Variants in RALGAPA2 observed in about 807,000 individuals in gnomAD.
RALGAPA2 encodes Ral GTPase activating protein catalytic subunit alpha 2.
A neutral mutation model predicts 230.4 loss-of-function variants in RALGAPA2; 139 were observed. The ratio of observed to expected loss-of-function variants is 0.60; its 90% CI spans 0.53 to 0.69. RALGAPA2 has a LOEUF of 0.69. RALGAPA2 is among the 30% of genes least tolerant of loss of function. The pLI is 0.00. For synonymous variants in RALGAPA2, 847 were observed against 837.8 expected (o/e 1.01, Z -0.19); for missense variants, 2,163 against 2,276.0 (o/e 0.95, Z 1.01).
At chr20:20,530,286 A>G (rs560145930) in intron 27 of RALGAPA2, among the ~76,000 whole-genome samples, 160 of 152,330 alleles carry the variant, frequency 1.1e-3, no homozygotes, top group Non-Finnish European at 1.8e-4. Flanking sequence ...GTCAGGGCTC[A>G]GCACCCTGCT....
At chr20:20,516,523 A>C (rs2062875609) in intron 31 of RALGAPA2, among the ~76,000 whole-genome samples, 1 of 152,192 alleles carries the variant, frequency 6.6e-6, no homozygotes, top group Admixed American at 6.5e-5. Flanking sequence ...TACTCTAGCC[A>C]CCAGAGGTCC....
intron 37 of RALGAPA2, among the ~76,000 whole-genome samples, chr20:20,460,170 G>C (rs1306791388): frequency 1.3e-5 from 2 of 152,022 alleles, no homozygotes; most frequent in African/African-American, 4.8e-5. Flanking sequence ...GAGAACGAGC[G>C]AGGGGCCAGG....
intron 38 of RALGAPA2, among the ~76,000 whole-genome samples, chr20:20,410,602 C>T (rs1039523430): frequency 6.6e-6 from 1 of 152,200 alleles, no homozygotes; most frequent in African/African-American, 2.4e-5. Context: ...AAATCTCTAG[C>T]CAGACCGAGT....
intron 38 of RALGAPA2, among the ~76,000 whole-genome samples, chr20:20,407,579 A>G (rs1260575044): frequency 1.3e-5 from 2 of 152,210 alleles, no homozygotes; most frequent in African/African-American, 4.8e-5. Context: ...TGTAGTGTCT[A>G]CATCTCAGAT....
chr20:20,400,241 CCAGT>C (rs1322546410), intron 38 of RALGAPA2, among the ~76,000 whole-genome samples: 3 of 152,224 alleles, frequency 2.0e-5, no homozygotes, highest in Non-Finnish European at 4.4e-5. Context: ...AGGATGGCTT[CCAGT>C]ATTTCCAATC....
At chr20:20,495,056 T>C in intron 36 of RALGAPA2, 61 bp downstream of exon 36, 20 of 1,393,170 alleles carry the variant, frequency 1.4e-5, no homozygotes, top group Non-Finnish European at 1.9e-5. Flanking sequence ...TGATTTTCAA[T>C]GACAATGAAT....
At chr20:20,405,865 A>T (rs1305214364) in intron 38 of RALGAPA2, among the ~76,000 whole-genome samples, 1 of 152,222 alleles carries the variant, frequency 6.6e-6, no homozygotes, top group Admixed American at 6.5e-5. Flanking sequence ...AGGCCCACAC[A>T]TCTGTGGTCT....
chr20:20,614,270 TC>T (rs1400092341), intron 13 of RALGAPA2, among the ~76,000 whole-genome samples: 2 of 152,220 alleles, frequency 1.3e-5, no homozygotes, highest in Non-Finnish European at 2.9e-5. Context: ...CACCTAGGAA[TC>T]TATGAATTAG....
At chr20:20,484,832 C>G (rs2061867327) in intron 36 of RALGAPA2, among the ~76,000 whole-genome samples, 1 of 152,164 alleles carries the variant, frequency 6.6e-6, no homozygotes, top group Non-Finnish European at 1.5e-5. Context: ...GTTCTGATCT[C>G]AGTGCTCAAT....
intron 31 of RALGAPA2, among the ~76,000 whole-genome samples, chr20:20,518,459 G>A (rs934682046): frequency 2.0e-5 from 3 of 152,080 alleles, no homozygotes; most frequent in South Asian, 2.1e-4. Context: ...AAATACCCAC[G>A]CTATCACCTT....
At chr20:20,598,745 G>C in intron 16 of RALGAPA2, 1 of 456,490 alleles carries the variant, frequency 2.2e-6, no homozygotes, top group Non-Finnish European at 4.4e-6. Flanking sequence ...GTGTGAAGGA[G>C]GAGCGGGACG....
chr20:20,477,776 C>A (rs141110698), intron 36 of RALGAPA2, among the ~76,000 whole-genome samples: 2 of 151,986 alleles, frequency 1.3e-5, no homozygotes, highest in Non-Finnish European at 2.9e-5. Context: ...TTAGTAGAGA[C>A]GGGGTTTCAC....
rs138164538 is a variant in RALGAPA2 at position 20,391,268 on chromosome 20, A to G, written c.*2021T>C. 2 of 152,276 alleles carry G rather than the reference A, an allele frequency of 1.3e-5. No individual in the cohort carries two copies. Among genetic ancestry groups the G allele is most frequent in the African/African-American group, 4.8e-5 (2 of 41,544 alleles). 9.4% of individuals were successfully genotyped at this position (152,276 alleles called of 1,614,324 possible). On this transcript the variant is annotated 3_prime_UTR_variant, in exon 40 of 40. Transcript: ENST00000202677. ...ATGGTGGCCAAGCTATGCTGCCCAG[A>G]TGTCTGGAATCATTTAAAATAAAGG...
intron 33 of RALGAPA2, among the ~76,000 whole-genome samples, chr20:20,508,621 C>CATG (rs1332383785): frequency 7.9e-5 from 12 of 152,288 alleles, no homozygotes; most frequent in Non-Finnish European, 1.8e-4. Context: ...TAAGAAGGAA[C>CATG]TATACATCAA....
At chr20:20,426,948 G>A (rs1398963722) in intron 37 of RALGAPA2, among the ~76,000 whole-genome samples, 1 of 152,214 alleles carries the variant, frequency 6.6e-6, no homozygotes, top group Non-Finnish European at 1.5e-5. Flanking sequence ...TCCTTCTGTG[G>A]TTTGTACTAT....
At chr20:20,513,673 T>C (rs1602607337) in intron 31 of RALGAPA2, among the ~76,000 whole-genome samples, 1 of 152,054 alleles carries the variant, frequency 6.6e-6, no homozygotes, top group East Asian at 1.9e-4. Flanking sequence ...ATGATGTTTC[T>C]CTCAAGCCCC....
At chr20:20,478,860 A>T (rs2061709800) in intron 36 of RALGAPA2, among the ~76,000 whole-genome samples, 1 of 152,138 alleles carries the variant, frequency 6.6e-6, no homozygotes. Flanking sequence ...ATCTAAAATA[A>T]AAGTTGAAAA....
At chr20:20,664,390 ACTC>A (rs1477603880) in intron 3 of RALGAPA2, among the ~76,000 whole-genome samples, 4 of 151,894 alleles carry the variant, frequency 2.6e-5, no homozygotes, top group African/African-American at 9.7e-5. Flanking sequence ...ACTGCACCGG[ACTC>A]CTCATTTTTT....
chr20:20,526,825 GCTTT>G (rs747272275), intron 27 of RALGAPA2, among the ~76,000 whole-genome samples: 12 of 152,116 alleles, frequency 7.9e-5, no homozygotes, highest in African/African-American at 2.9e-4. Flanking sequence ...TGATCAAATG[GCTTT>G]CTATCCTATG....
Sources: allele counts gnomAD v4.1 joint callset (sites outside exome capture counted in the v4.1 genomes callset), GRCh38; gene constraint gnomAD v4.1.1; transcripts MANE v1.5; gene names NCBI Gene and HGNC (gene_info 2026-07-23, HGNC 2026-07-21).